Variants in FOXP1 observed in about 807,000 individuals in gnomAD.
FOXP1 encodes forkhead box protein P1.
In FOXP1, 15 loss-of-function variants were observed where a neutral mutation model predicts 98.2. That is an observed-to-expected ratio of 0.15 (90% CI 0.10 to 0.24). The LOEUF is 0.24. Among genes scored for constraint, FOXP1 ranks in the 10% least tolerant of loss-of-function variants. The pLI is 1.00. For synonymous variants in FOXP1, 371 were observed against 314.5 expected (o/e 1.18, Z -1.90); for missense variants, 633 against 848.5 (o/e 0.75, Z 3.15).
intron 1 of FOXP1, chr3:71,582,000 C>G: frequency 1.0e-6 from 1 of 962,650 alleles, no homozygotes; most frequent in Non-Finnish European, 1.2e-6. Flanking sequence ...GATGGGGATA[C>G]GATCACGGGC....
chr3:71,525,194 G>A (rs147614101), intron 2 of FOXP1, among the ~76,000 whole-genome samples: 69 of 152,222 alleles, frequency 4.5e-4, no homozygotes, highest in African/African-American at 1.5e-3. Context: ...TTTTTAAAAT[G>A]AATTATCACA....
chr3:71,576,802 G>C (rs952859576), intron 2 of FOXP1, among the ~76,000 whole-genome samples: 2 of 152,156 alleles, frequency 1.3e-5, no homozygotes, highest in African/African-American at 4.8e-5. Context: ...GGAGGGTCAT[G>C]AGGAAACACC....
Position 71,198,400 on chromosome 3 carries a change from A to C in FOXP1, c.-11-8T>G. ...GCATCATGACTCAAAAACCTGATACAAGGATTTCCAAGATGGGGGGAGGGA... is the reference window on the plus strand; with the variant it reads ...GCATCATGACTCAAAAACCTGATACCAGGATTTCCAAGATGGGGGGAGGGA... On this transcript the variant is annotated splice_polypyrimidine_tract_variant and splice_region_variant and intron_variant, in intron 5 of 20. Coordinates refer to ENST00000649528, the MANE Select transcript of FOXP1 (RefSeq NM_001349338.3). The C allele has an allele frequency of 2.9e-6, 2 of 683,862 alleles. No homozygotes were observed. Among genetic ancestry groups the C allele is most frequent in the Non-Finnish European group, 4.9e-6 (2 of 404,686 alleles). 42.4% of individuals were successfully genotyped at this position (683,862 alleles called of 1,614,324 possible).
intron 5 of FOXP1, among the ~76,000 whole-genome samples, chr3:71,272,452 G>T (rs139463385): frequency 6.6e-6 from 1 of 152,014 alleles, no homozygotes; most frequent in African/African-American, 2.4e-5. Flanking sequence ...ATATACTAGG[G>T]GTGGGGGATT....
chr3:71,550,596 T>G (rs942722571), intron 2 of FOXP1, among the ~76,000 whole-genome samples: 1 of 152,188 alleles, frequency 6.6e-6, no homozygotes, highest in African/African-American at 2.4e-5. Flanking sequence ...CCAATTTAAC[T>G]TGTAAAGAAA....
chr3:71,334,636 AG>A (rs1381510629), intron 4 of FOXP1: 12 of 152,324 alleles, frequency 7.9e-5, no homozygotes, highest in African/African-American at 2.6e-4. Context: ...CAGAAGAAAA[AG>A]GAGTAACATA....
intron 20 of FOXP1, 34 bp downstream of exon 20, chr3:70,965,856 G>T (rs2034649300): frequency 6.2e-7 from 1 of 1,608,310 alleles, no homozygotes; most frequent in Non-Finnish European, 8.5e-7. Context: ...ACTAGGGTCA[G>T]ATAGCAAAGA....
chr3:71,231,740 T>C (rs551183631), intron 5 of FOXP1, among the ~76,000 whole-genome samples: 1 of 152,352 alleles, frequency 6.6e-6, no homozygotes, highest in African/African-American at 2.4e-5. Context: ...CCTATTTTTC[T>C]TTTTCATTAT....
At chr3:71,464,276 A>C (rs1577658641) in intron 3 of FOXP1, among the ~76,000 whole-genome samples, 1 of 152,134 alleles carries the variant, frequency 6.6e-6, no homozygotes, top group East Asian at 1.9e-4. Flanking sequence ...ATCCTGTCTC[A>C]AAAAGAAGGA....
intron 7 of FOXP1, among the ~76,000 whole-genome samples, chr3:71,107,467 A>G (rs2057533034): frequency 6.6e-6 from 1 of 152,156 alleles, no homozygotes; most frequent in African/African-American, 2.4e-5. Context: ...ATTATTTCTT[A>G]TCGAGACTTA....
intron 5 of FOXP1, among the ~76,000 whole-genome samples, chr3:71,237,933 GAGA>G (rs1452727212): frequency 6.6e-6 from 1 of 152,194 alleles, no homozygotes; most frequent in Non-Finnish European, 1.5e-5. Flanking sequence ...GGAGAAGGAA[GAGA>G]AGGTGGCTCC....
rs142885754 is a variant in FOXP1, at chr3:71,513,337, A to G, written c.-297-19782T>C. 5.3e-3 allele frequency among the ~76,000 whole-genome samples: 807 copies of G among 152,250 alleles called. 5 individuals carry two copies. Among genetic ancestry groups the G allele is most frequent in the African/African-American group, 0.018 (763 of 41,544 alleles). On this transcript the variant is annotated intron_variant, in intron 2 of 20. Transcript: ENST00000649528. ...ACTCAGGCCAATCATCTTTGAGTCAATACTGACTCGTGTCTTTCTCTTAAA... is the reference window on the plus strand; with the variant it reads ...ACTCAGGCCAATCATCTTTGAGTCAGTACTGACTCGTGTCTTTCTCTTAAA...
intron 11 of FOXP1, among the ~76,000 whole-genome samples, chr3:71,017,155 T>C (rs2107755361): frequency 1.3e-5 from 2 of 152,256 alleles, no homozygotes; most frequent in East Asian, 3.9e-4. Flanking sequence ...AAGGATATTC[T>C]CTAAGCAGTT....
At chr3:71,201,892 A>G (rs574738268) in intron 5 of FOXP1, among the ~76,000 whole-genome samples, 21 of 152,196 alleles carry the variant, frequency 1.4e-4, no homozygotes, top group African/African-American at 4.8e-4. Flanking sequence ...ACATATATAA[A>G]CTCTATCCCT....
intron 5 of FOXP1, among the ~76,000 whole-genome samples, chr3:71,204,479 G>A (rs1001477231): frequency 6.6e-6 from 1 of 152,166 alleles, no homozygotes; most frequent in Non-Finnish European, 1.5e-5. Context: ...AGGGAATCAA[G>A]CAATGGAAAT....
intron 7 of FOXP1, among the ~76,000 whole-genome samples, chr3:71,096,887 G>A (rs1199927812): frequency 6.6e-6 from 1 of 152,064 alleles, no homozygotes; most frequent in Non-Finnish European, 1.5e-5. Context: ...AAAATTACTA[G>A]TTTCACCATT....
At chr3:71,224,241 TG>T (rs1393117449) in intron 5 of FOXP1, among the ~76,000 whole-genome samples, 1 of 152,152 alleles carries the variant, frequency 6.6e-6, no homozygotes, top group African/African-American at 2.4e-5. Context: ...CATGAGGGAT[TG>T]CTCAGTTACG....
chr3:70,966,944 C>T (rs1355185974), intron 19 of FOXP1, among the ~76,000 whole-genome samples: 3 of 152,172 alleles, frequency 2.0e-5, no homozygotes, highest in Non-Finnish European at 2.9e-5. Context: ...TACCACTGGA[C>T]TAAGTAAGGT....
At chr3:71,576,861 G>A (rs551349973) in intron 2 of FOXP1, among the ~76,000 whole-genome samples, 6 of 152,258 alleles carry the variant, frequency 3.9e-5, no homozygotes, top group South Asian at 4.1e-4. Flanking sequence ...TCAGGCACTC[G>A]TTCTCACAGC....
Sources: gnomAD v4.1 joint callset for allele counts (sites outside exome capture counted in the v4.1 genomes callset) on GRCh38, gnomAD v4.1.1 for gene constraint, MANE v1.5 for transcripts, NCBI Gene and HGNC (gene_info 2026-07-23, HGNC 2026-07-21) for gene names.